CDK14: variants seen among roughly 807,000 people sequenced by gnomAD.
CDK14 encodes the protein cyclin-dependent kinase 14.
A neutral mutation model predicts 60.7 loss-of-function variants in CDK14; 34 were observed. That is an observed-to-expected ratio of 0.56 (90% confidence interval 0.43 to 0.75). The LOEUF (loss-of-function observed/expected upper bound fraction) is 0.75, where lower values mean the gene tolerates loss of function less well. Among genes scored for constraint, CDK14 ranks in the 30% least tolerant of loss-of-function variants. CDK14 has a pLI of 0.00. For missense variants in CDK14, 482 were observed against 564.1 expected, an observed-to-expected ratio of 0.85 and a Z score of 1.47; for synonymous variants, 197 against 203.7, an observed-to-expected ratio of 0.97 and a Z score of 0.28.
intron 9 of CDK14, among the ~76,000 whole-genome samples, chr7:90,982,422 C>G (rs1243903492): frequency 6.6e-6 from 1 of 152,132 alleles, no homozygotes; most frequent in Admixed American, 6.5e-5. Flanking sequence ...ACTGTAGCTG[C>G]CCTGAATCAT....
At chr7:90,855,160 A>G (rs1790780924) in intron 5 of CDK14, among the ~76,000 whole-genome samples, 2 of 152,220 alleles carry the variant, frequency 1.3e-5, no homozygotes, top group Admixed American at 1.3e-4. Context: ...CTATTTAGAA[A>G]AGAAACAGAT....
At chr7:90,902,421 G>C (rs1199357594) in intron 7 of CDK14, among the ~76,000 whole-genome samples, 5 of 152,084 alleles carry the variant, frequency 3.3e-5, no homozygotes, top group Non-Finnish European at 7.4e-5. Context: ...ACAGAAAAAT[G>C]CTCAGAATAG....
At chr7:91,174,367 CAGAAAAACT>C (rs1275236780) in intron 14 of CDK14, among the ~76,000 whole-genome samples, 2 of 149,774 alleles carry the variant, frequency 1.3e-5, no homozygotes, top group African/African-American at 4.9e-5. Context: ...AAAAACAGAA[CAGAAAAACT>C]GAAAACTCTA....
At chr7:90,998,031 C>A (rs1795735378) in intron 10 of CDK14, among the ~76,000 whole-genome samples, 1 of 151,978 alleles carries the variant, frequency 6.6e-6, no homozygotes, top group Admixed American at 6.6e-5. Flanking sequence ...TACCTTATAC[C>A]AAAAATCTTT....
chr7:91,178,484 T>G (rs1409601438), intron 14 of CDK14, among the ~76,000 whole-genome samples: 2 of 145,772 alleles, frequency 1.4e-5, no homozygotes, highest in Non-Finnish European at 3.0e-5. Context: ...ACTAAAGAGC[T>G]TCTGCACAGC....
intron 2 of CDK14, among the ~76,000 whole-genome samples, chr7:90,612,840 T>A (rs974489665): frequency 2.0e-5 from 3 of 151,822 alleles, no homozygotes; most frequent in African/African-American, 7.3e-5. Context: ...TGTGGTCATA[T>A]CTGCCAGTCC....
chr7:91,153,249 G>A (rs1370316059), intron 14 of CDK14, among the ~76,000 whole-genome samples: 4 of 152,184 alleles, frequency 2.6e-5, no homozygotes, highest in Admixed American at 2.0e-4. Flanking sequence ...ACAGATGCTG[G>A]TGAGGTTATG....
chr7:90,625,520 A>C (rs1799858572), intron 2 of CDK14, among the ~76,000 whole-genome samples: 1 of 152,210 alleles, frequency 6.6e-6, no homozygotes, highest in African/African-American at 2.4e-5. Context: ...AATTTGTGTA[A>C]TTATTGATCT....
At chr7:90,908,653 T>C (rs1298504588) in intron 7 of CDK14, among the ~76,000 whole-genome samples, 1 of 152,094 alleles carries the variant, frequency 6.6e-6, no homozygotes, top group African/African-American at 2.4e-5. Context: ...GGAAATAAGT[T>C]CAAGTAGTAG....
At chr7:91,006,807 C>A (rs888716817) in intron 10 of CDK14, among the ~76,000 whole-genome samples, 3 of 152,164 alleles carry the variant, frequency 2.0e-5, no homozygotes, top group Non-Finnish European at 4.4e-5. Flanking sequence ...TTTCAACTTG[C>A]CTTTGTCACC....
chr7:90,860,211 A>G (rs2117210402), intron 5 of CDK14, among the ~76,000 whole-genome samples: 1 of 142,970 alleles, frequency 7.0e-6, no homozygotes, highest in East Asian at 2.0e-4. Context: ...GGCTACTTGC[A>G]TTGTACAATT....
intron 3 of CDK14, among the ~76,000 whole-genome samples, chr7:90,735,952 G>T (rs1803081555): frequency 1.3e-5 from 2 of 152,228 alleles, no homozygotes. Flanking sequence ...GGCCCTGGTG[G>T]CCTAGGCACC....
At chr7:91,199,825 T>A (rs1802662467) in intron 14 of CDK14, among the ~76,000 whole-genome samples, 1 of 152,226 alleles carries the variant, frequency 6.6e-6, no homozygotes, top group African/African-American at 2.4e-5. Flanking sequence ...ATTTGGGCTA[T>A]TTTGAATGAT....
chr7:90,735,447 A>AT, intron 3 of CDK14, among the ~76,000 whole-genome samples: 1 of 152,184 alleles, frequency 6.6e-6, no homozygotes, highest in East Asian at 1.9e-4. Context: ...TCCCAGGGAG[A>AT]TGGGGGTTTT....
chr7:91,012,929 C>A (rs546252147), intron 10 of CDK14, among the ~76,000 whole-genome samples: 19 of 152,304 alleles, frequency 1.2e-4, no homozygotes, highest in African/African-American at 4.6e-4. Flanking sequence ...AAATGTCAGA[C>A]AACACAGCAT....
At chr7:91,101,581 A>G (rs1227458824) in intron 12 of CDK14, among the ~76,000 whole-genome samples, 2 of 152,158 alleles carry the variant, frequency 1.3e-5, no homozygotes, top group Non-Finnish European at 2.9e-5. Flanking sequence ...GAGGAATCTC[A>G]TTATTTTTTT....
intron 12 of CDK14, among the ~76,000 whole-genome samples, chr7:91,080,941 TAAATATTTTAAGGAA>T: frequency 6.6e-6 from 1 of 152,348 alleles, no homozygotes; most frequent in Admixed American, 6.5e-5. Flanking sequence ...TCCCACTTTT[TAAATATTTTAAGGAA>T]AATGATAAAA....
chr7:90,652,288 A>C (rs1800660316), intron 2 of CDK14, among the ~76,000 whole-genome samples: 1 of 152,262 alleles, frequency 6.6e-6, no homozygotes, highest in Non-Finnish European at 1.5e-5. Flanking sequence ...AACCTCCTGC[A>C]TGAGGAAGCA....
intron 2 of CDK14, among the ~76,000 whole-genome samples, chr7:90,699,205 G>A (rs1333846175): frequency 6.6e-6 from 1 of 152,204 alleles, no homozygotes; most frequent in Non-Finnish European, 1.5e-5. Context: ...ACAGCCCATG[G>A]CTGATACAGA....
Sources: allele counts gnomAD v4.1 joint callset (sites outside exome capture counted in the v4.1 genomes callset), GRCh38; gene constraint gnomAD v4.1.1; transcripts MANE v1.5; gene names NCBI Gene and HGNC (gene_info 2026-07-23, HGNC 2026-07-21).